Variants in SPAG16 observed in about 807,000 individuals in gnomAD.
The protein encoded by SPAG16 is sperm-associated antigen 16 protein.
In SPAG16, 86 loss-of-function variants were observed where a neutral mutation model predicts 80.4. That is an observed-to-expected ratio of 1.07 (90% confidence interval 0.90 to 1.28). The LOEUF (loss-of-function observed/expected upper bound fraction) is 1.28. SPAG16 is among the 50% of genes most tolerant of loss of function. SPAG16 has a pLI of 0.00. For synonymous variants in SPAG16, 294 were observed against 265.9 expected (o/e 1.11, Z -1.03); for missense variants, 870 against 765.3 (o/e 1.14, Z -1.61).
At chr2:214,344,051 C>A (rs899795700) in intron 15 of SPAG16, among the ~76,000 whole-genome samples, 1 of 152,020 alleles carries the variant, frequency 6.6e-6, no homozygotes, top group Non-Finnish European at 1.5e-5. Flanking sequence ...TTTCTTTTTT[C>A]TCAACCCTCA....
intron 13 of SPAG16, among the ~76,000 whole-genome samples, chr2:214,061,483 AG>A (rs1553706825): frequency 6.6e-6 from 1 of 152,200 alleles, no homozygotes; most frequent in Non-Finnish European, 1.5e-5. Context: ...GCAGACCAGT[AG>A]GCTGGAGACT....
Position 213,705,455 on chromosome 2 carries a change from T to G in SPAG16, c.1071-157030T>G, listed in dbSNP as rs188667906. Reference sequence around the variant, plus strand: ...TGGTTTTTTTGTTTGTTTTGTTTTTTCCAATTGGCATCTCTTAAGAGGGAG... The same window carrying G: ...TGGTTTTTTTGTTTGTTTTGTTTTTGCCAATTGGCATCTCTTAAGAGGGAG... On this transcript the variant is annotated intron_variant, in intron 10 of 15. Transcript: ENST00000331683. Among the ~76,000 whole-genome samples the G allele has an allele frequency of 4.8e-5, 7 of 145,984 alleles. 1 individual carries two copies. The highest frequency in any genetic ancestry group is 1.7e-4 in the African/African-American group (7 of 41,200).
chr2:213,930,957 C>T (rs544166923), intron 12 of SPAG16, among the ~76,000 whole-genome samples: 36 of 152,258 alleles, frequency 2.4e-4, no homozygotes, highest in African/African-American at 7.9e-4. Context: ...GCCCTCTCCT[C>T]GGAGGACTGA....
chr2:213,674,488 C>T (rs961397652), intron 10 of SPAG16, among the ~76,000 whole-genome samples: 1 of 150,982 alleles, frequency 6.6e-6, no homozygotes, highest in African/African-American at 2.5e-5. Context: ...CACCCACTAA[C>T]TCGTCATCTA....
At chr2:213,820,532 AG>A (rs1272856333) in intron 10 of SPAG16, among the ~76,000 whole-genome samples, 1 of 152,186 alleles carries the variant, frequency 6.6e-6, no homozygotes. Context: ...AGCACAAAAA[AG>A]GTAGAACCTT....
chr2:213,777,890 G>GT lies in SPAG16; in HGVS notation c.1071-84587dup, dbSNP rs529622681. ...TGTGCCTAATTCAATTGCACTCCAA[G>GT]TTTTTTTTACAGGCAATCCAATTAT... is the stretch of plus-strand genomic sequence containing the variant. On this transcript the variant is annotated intron_variant, in intron 10 of 15. Coordinates refer to ENST00000331683, the MANE Select transcript of SPAG16 (RefSeq NM_024532.5). Among the ~76,000 whole-genome samples the GT allele has an allele frequency of 2.0e-5, 3 of 151,990 alleles. No homozygotes were observed. The East Asian group carries it at 5.8e-4, about 29-fold the overall frequency.
chr2:213,829,847 A>AT (rs2125713702), intron 10 of SPAG16, among the ~76,000 whole-genome samples: 1 of 152,198 alleles, frequency 6.6e-6, no homozygotes. Flanking sequence ...CCAGTGCATT[A>AT]TCCTACTGCG....
At chr2:213,331,693 C>T (rs759281624) in intron 5 of SPAG16, among the ~76,000 whole-genome samples, 15 of 152,128 alleles carry the variant, frequency 9.9e-5, no homozygotes, top group Admixed American at 3.9e-4. Context: ...TCTCTGACCA[C>T]GATGGAATAA....
At chr2:213,719,632 A>G (rs1210307134) in intron 10 of SPAG16, among the ~76,000 whole-genome samples, 4 of 152,222 alleles carry the variant, frequency 2.6e-5, no homozygotes, top group Non-Finnish European at 4.4e-5. Context: ...CCAATTCTGG[A>G]CACAATACCA....
At chr2:214,347,386 C>A (rs116030891) in intron 15 of SPAG16, among the ~76,000 whole-genome samples, 210 of 151,470 alleles carry the variant, frequency 1.4e-3, no homozygotes, top group African/African-American at 4.8e-3. Flanking sequence ...AACATAAAGG[C>A]TCAAGGTAGT....
chr2:213,897,997 G>A (rs1300928382), intron 11 of SPAG16, among the ~76,000 whole-genome samples: 2 of 152,126 alleles, frequency 1.3e-5, no homozygotes, highest in South Asian at 2.1e-4. Flanking sequence ...TATGAAGATG[G>A]ACAAATTTTA....
intron 12 of SPAG16, among the ~76,000 whole-genome samples, chr2:213,962,836 G>A (rs2044520511): frequency 6.6e-6 from 1 of 152,094 alleles, no homozygotes; most frequent in African/African-American, 2.4e-5. Context: ...GTCTATCATA[G>A]TACTTTGTCT....
intron 10 of SPAG16, among the ~76,000 whole-genome samples, chr2:213,710,752 G>A (rs923690645): frequency 4.6e-5 from 7 of 152,162 alleles, no homozygotes; most frequent in Non-Finnish European, 1.5e-5. Context: ...TACCATTGTT[G>A]TTAGGAGTCC....
chr2:214,354,332 G>A (rs761390835), intron 15 of SPAG16, among the ~76,000 whole-genome samples: 1 of 151,928 alleles, frequency 6.6e-6, no homozygotes, highest in Non-Finnish European at 1.5e-5. Flanking sequence ...TATTTCTGAG[G>A]GCTCTGTTCT....
At chr2:214,050,702 C>A (rs541226929) in intron 13 of SPAG16, among the ~76,000 whole-genome samples, 1 of 152,206 alleles carries the variant, frequency 6.6e-6, no homozygotes, top group East Asian at 1.9e-4. Context: ...AATCAAAATT[C>A]CAGATCTATA....
chr2:213,715,051 G>C (rs1435695785), intron 10 of SPAG16, among the ~76,000 whole-genome samples: 2 of 152,162 alleles, frequency 1.3e-5, no homozygotes, highest in Admixed American at 1.3e-4. Context: ...CCTATGATGG[G>C]ATTTGCTTTT....
chr2:213,682,558 T>C (rs1345978204), intron 10 of SPAG16, among the ~76,000 whole-genome samples: 1 of 152,162 alleles, frequency 6.6e-6, no homozygotes, highest in Non-Finnish European at 1.5e-5. Flanking sequence ...ACTAAGGGTA[T>C]TTAAGCGTTT....
intron 10 of SPAG16, among the ~76,000 whole-genome samples, chr2:213,633,538 C>G (rs1204673162): frequency 6.6e-6 from 1 of 151,952 alleles, no homozygotes; most frequent in African/African-American, 2.4e-5. Flanking sequence ...CTATGAGATC[C>G]ATTTGGTCTA....
chr2:213,423,862 T>C (rs942684544), intron 9 of SPAG16, among the ~76,000 whole-genome samples: 6 of 152,180 alleles, frequency 3.9e-5, no homozygotes, highest in Non-Finnish European at 8.8e-5. Context: ...CAATAGATAG[T>C]CTCCCTTTAT....
Sources: gnomAD v4.1 joint callset for allele counts (sites outside exome capture counted in the v4.1 genomes callset) on GRCh38, gnomAD v4.1.1 for gene constraint, MANE v1.5 for transcripts, NCBI Gene and HGNC (gene_info 2026-07-23, HGNC 2026-07-21) for gene names.